The following DMD variants were observed in gnomAD, a reference collection of about 807,000 sequenced individuals.
The protein encoded by DMD is mutant dystrophin.
DMD carries 63 observed loss-of-function variants against 330.1 expected under a neutral mutation model. The ratio of observed to expected loss-of-function variants is 0.19; its 90% confidence interval spans 0.16 to 0.24. The LOEUF (loss-of-function observed/expected upper bound fraction) is 0.24. Among genes scored for constraint, DMD ranks in the 10% least tolerant of loss-of-function variants. DMD has a pLI of 1.00. For synonymous variants in DMD, 1,223 were observed against 959.8 expected, an observed-to-expected ratio of 1.27 and a Z score of -5.07; for missense variants, 3,344 against 2,684.1, an observed-to-expected ratio of 1.25 and a Z score of -5.43.
intron 44 of DMD, among the ~76,000 whole-genome samples, chrX:32,070,203 G>T (rs143222969): frequency 9.0e-5 from 10 of 111,019 alleles, no homozygotes; most frequent in Admixed American, 3.8e-4. Context: ...TCCCCACCCC[G>T]CTCAAACTGC....
chrX:32,634,878 T>A (rs892803269), intron 11 of DMD, among the ~76,000 whole-genome samples: 1 of 111,581 alleles, frequency 9.0e-6, no homozygotes, highest in African/African-American at 3.3e-5. Context: ...GTATCCCAAG[T>A]CCACTGACTC....
intron 44 of DMD, among the ~76,000 whole-genome samples, chrX:32,170,423 G>A (rs2096883517): frequency 9.2e-6 from 1 of 108,894 alleles, no homozygotes; most frequent in Admixed American, 1.0e-4. Context: ...AGTGAGTCGA[G>A]ATTGTACCAT....
intron 29 of DMD, among the ~76,000 whole-genome samples, chrX:32,431,157 G>C (rs746703438): frequency 7.3e-5 from 8 of 109,897 alleles, no homozygotes; most frequent in Non-Finnish European, 1.3e-4. Context: ...TTTCCATAGT[G>C]TCAGCATGAA....
chrX:32,077,609 T>C (rs148982166), intron 44 of DMD, among the ~76,000 whole-genome samples: 1,666 of 111,408 alleles, frequency 0.015, 35 homozygotes, highest in African/African-American at 0.051. Context: ...TTATCCTCAC[T>C]GTCTCAGCTT....
chrX:31,754,900 T>C (rs1227910958), intron 51 of DMD, among the ~76,000 whole-genome samples: 1 of 112,070 alleles, frequency 8.9e-6, no homozygotes, highest in East Asian at 2.8e-4. Context: ...CTTTGTGTTT[T>C]GTTTTGTAGT....
At chrX:32,181,783 T>A (rs921265247) in intron 44 of DMD, among the ~76,000 whole-genome samples, 2 of 111,467 alleles carry the variant, frequency 1.8e-5, no homozygotes, top group Non-Finnish European at 3.8e-5. Flanking sequence ...ATATTTTCCA[T>A]GTGAAAACAT....
intron 2 of DMD, among the ~76,000 whole-genome samples, chrX:32,992,447 T>A (rs2093001561): frequency 9.0e-6 from 1 of 111,444 alleles, no homozygotes; most frequent in African/African-American, 3.3e-5. Flanking sequence ...CCCCAGTCAT[T>A]TCTAAAGATA....
intron 54 of DMD, among the ~76,000 whole-genome samples, chrX:31,638,464 C>G (rs1204071998): frequency 8.9e-6 from 1 of 112,149 alleles, no homozygotes; most frequent in Non-Finnish European, 1.9e-5. Context: ...TGACACTGGT[C>G]TATTAATCGA....
intron 49 of DMD, among the ~76,000 whole-genome samples, chrX:31,829,246 A>G (rs1459162091): frequency 9.0e-6 from 1 of 110,660 alleles, no homozygotes; most frequent in African/African-American, 3.3e-5. Flanking sequence ...GAGTGAGGTA[A>G]GGGATAAAAG....
At chrX:31,837,884 G>T (rs980395158) in intron 48 of DMD, among the ~76,000 whole-genome samples, 3 of 112,238 alleles carry the variant, frequency 2.7e-5, no homozygotes, top group Non-Finnish European at 5.6e-5. Flanking sequence ...TTTTTTTCCA[G>T]TTCTTATTAT....
intron 2 of DMD, among the ~76,000 whole-genome samples, chrX:32,888,594 G>A (rs905853583): frequency 9.0e-6 from 1 of 111,152 alleles, no homozygotes; most frequent in African/African-American, 3.3e-5. Flanking sequence ...ATGGAAAACA[G>A]CAGGAAGTTC....
chrX:31,303,593 A>G (rs764770061), intron 62 of DMD, among the ~76,000 whole-genome samples: 68 of 111,513 alleles, frequency 6.1e-4, no homozygotes, highest in African/African-American at 2.2e-3. Flanking sequence ...CTTTCTCACC[A>G]TATCCAAACT....
chrX:32,738,993 C>T (rs2068882669), intron 7 of DMD, among the ~76,000 whole-genome samples: 1 of 111,732 alleles, frequency 8.9e-6, no homozygotes, highest in African/African-American at 3.2e-5. Flanking sequence ...TAACTTCAGG[C>T]ATAGAGAATA....
Position 33,270,836 on chromosome X carries a change from C to CT in DMD, c.7+68422dup, listed in dbSNP as rs368099522. On this transcript the variant is annotated intron_variant, in intron 1 of 17. Coordinates refer to the DMD transcript ENST00000288447. The stretch of plus-strand genomic sequence containing the variant: ...AGAAAGGGTCAACATAAGATCACTG[C>CT]TTTTTTATGCTATAAACTATATATA... Among the ~76,000 whole-genome samples the CT allele has an allele frequency of 5.5e-3, 617 of 111,496 alleles. 7 individuals are homozygous for CT. The highest frequency in any genetic ancestry group is 0.019 in the Middle Eastern group (4 of 208).
intron 7 of DMD, among the ~76,000 whole-genome samples, chrX:32,701,803 G>A (rs1221970516): frequency 6.3e-5 from 7 of 111,488 alleles, no homozygotes; most frequent in Non-Finnish European, 1.3e-4. Context: ...AATTGGCCAA[G>A]CATTATTTTT....
At chrX:32,905,912 C>T (rs1032729379) in intron 2 of DMD, among the ~76,000 whole-genome samples, 1 of 111,413 alleles carries the variant, frequency 9.0e-6, no homozygotes, top group Middle Eastern at 4.7e-3. Flanking sequence ...AACCCCTGGA[C>T]GGCAAAACCA....
intron 55 of DMD, among the ~76,000 whole-genome samples, chrX:31,592,866 G>A (rs948846182): frequency 2.4e-4 from 27 of 110,433 alleles, no homozygotes; most frequent in African/African-American, 8.2e-4. Context: ...GTCTATTCTC[G>A]AAAATAAACA....
chrX:32,146,179 T>C (rs2096777347), intron 44 of DMD, among the ~76,000 whole-genome samples: 1 of 112,418 alleles, frequency 8.9e-6, no homozygotes, highest in South Asian at 3.6e-4. Context: ...TTATTCACAA[T>C]GTGGTCTTTT....
chrX:32,236,696 C>T (rs1363227972), intron 43 of DMD, among the ~76,000 whole-genome samples: 1 of 111,721 alleles, frequency 9.0e-6, no homozygotes, highest in Non-Finnish European at 1.9e-5. Flanking sequence ...ATTGTGAGGC[C>T]TCCCCAGCTG....
Sources: allele counts gnomAD v4.1 joint callset (sites outside exome capture counted in the v4.1 genomes callset), GRCh38; gene constraint gnomAD v4.1.1; transcripts MANE v1.5; gene names NCBI Gene and HGNC (gene_info 2026-07-23, HGNC 2026-07-21).